Variants in SNX25 observed in about 807,000 individuals in gnomAD.
SNX25 encodes sorting nexin 25.
In SNX25, 62 loss-of-function variants were observed where a neutral mutation model predicts 113.7. That is an observed-to-expected ratio of 0.55 (90% CI 0.44 to 0.67). SNX25 has a LOEUF of 0.67. Among genes scored for constraint, SNX25 ranks in the 30% least tolerant of loss-of-function variants. The probability of loss-of-function intolerance (pLI) is 0.00; values close to 1 mark genes in which losing one functional copy is unlikely to be tolerated. For missense variants in SNX25, 1,014 were observed against 1,161.0 expected, an observed-to-expected ratio of 0.87 and a Z score of 1.84; for synonymous variants, 421 against 436.2, an observed-to-expected ratio of 0.97 and a Z score of 0.43.
chr4:185,335,316 T>TCTCACA (rs1303921565), intron 10 of SNX25, among the ~76,000 whole-genome samples: 261 of 140,890 alleles, frequency 1.9e-3, no homozygotes, highest in East Asian at 0.012. Flanking sequence ...TGAAAAAGTC[T>TCTCACA]CACACACACA....
chr4:185,342,076 G>C lies in SNX25; in HGVS notation c.2147G>C (p.Arg716Thr), dbSNP rs1242718652. The change falls in exon 12 of 19, where the codon AGG (arginine) becomes ACG (threonine). Residue 716 changes from arginine to threonine, a missense_variant. Coordinates refer to ENST00000652585, the MANE Select transcript of SNX25 (RefSeq NM_001378034.2). ...VETKNWTVPR[R>T]LSEFQNLHRK... ...ACTAAGAACTGGACGGTCCCCAGAA[G>C]GCTCAGCGAGTTTCAGAATTTACAC... The C allele has an allele frequency of 6.2e-7, 1 of 1,607,074 alleles. No individual in the cohort carries two copies.
chr4:185,363,653 ACTT>A lies in SNX25; in HGVS notation c.*191_*193del, dbSNP rs748425840. The A allele has an allele frequency of 6.9e-5, 33 of 475,556 alleles. No homozygotes were observed. Among genetic ancestry groups the A allele is most frequent in the Non-Finnish European group, 1.2e-4 (32 of 268,494 alleles). The allele number at this position is 475,556 out of a possible 1,614,324, so 29.5% of individuals were successfully genotyped here. A position where few individuals can be genotyped will look rare whatever the true frequency, so the allele number is the denominator to read the frequency against. ...ATGCTGTGGTAGGCAACAGAAAAAA[ACTT>A]CTATTGATTTTAATTTAATATGAAT... is the stretch of plus-strand genomic sequence containing the variant. On this transcript the variant is annotated 3_prime_UTR_variant, in exon 19 of 19. Transcript: ENST00000652585. The surrounding 1 kb of genome is among the most constrained non-coding windows in gnomAD (Gnocchi z 4.2).
At chr4:185,208,350 G>A (rs960670666), upstream of SNX25, among the ~76,000 whole-genome samples, 1 of 152,118 alleles carries the variant, frequency 6.6e-6, no homozygotes, top group South Asian at 2.1e-4. Context: ...AAGGAAACTG[G>A]TAACTTATTT....
At chr4:185,322,292 G>A (rs916351329) in intron 8 of SNX25, among the ~76,000 whole-genome samples, 3 of 152,084 alleles carry the variant, frequency 2.0e-5, no homozygotes, top group Non-Finnish European at 4.4e-5. Flanking sequence ...TTAGCCAGGC[G>A]TGGTGATGTG....
intron 6 of SNX25, among the ~76,000 whole-genome samples, chr4:185,298,342 G>C (rs1168221557): frequency 6.6e-6 from 1 of 151,994 alleles, no homozygotes; most frequent in East Asian, 1.9e-4. Flanking sequence ...ACCCGCCTCG[G>C]CCTCCCAAAG....
chr4:185,285,732 A>T (rs1221976280), intron 5 of SNX25, among the ~76,000 whole-genome samples: 4 of 152,088 alleles, frequency 2.6e-5, no homozygotes, highest in Admixed American at 1.3e-4. Context: ...TGGAACCCTG[A>T]ACTCCTCCCG....
chr4:185,224,906 T>A (rs1740742023), intron 1 of SNX25, among the ~76,000 whole-genome samples: 1 of 151,748 alleles, frequency 6.6e-6, no homozygotes, highest in African/African-American at 2.4e-5. Context: ...TATCTGGAAT[T>A]AACCATTTCT....
intron 1 of SNX25, among the ~76,000 whole-genome samples, chr4:185,212,463 A>C (rs1469617526): frequency 8.4e-6 from 1 of 119,388 alleles, no homozygotes; most frequent in African/African-American, 3.3e-5. Flanking sequence ...AATTTGTGTG[A>C]TGTGTGTGTG....
chr4:185,274,555 G>A (rs1749392502), intron 5 of SNX25, among the ~76,000 whole-genome samples: 1 of 152,196 alleles, frequency 6.6e-6, no homozygotes, highest in Admixed American at 6.5e-5. Flanking sequence ...CATTTTTGCT[G>A]CCATAGCACA....
rs1037485757 is a variant in SNX25, at chr4:185,237,994, C to T, written c.430-9300C>T. 1.7e-4 allele frequency among the ~76,000 whole-genome samples: 22 copies of T among 129,646 alleles called. No individual in the cohort carries two copies. In the East Asian group the frequency reaches 4.1e-3, roughly 24 times the overall value. The allele number at this position is 129,646 out of a possible 152,430, so 85.1% of individuals were successfully genotyped here. On this transcript the variant is annotated intron_variant, in intron 1 of 18. Transcript: ENST00000652585. ...AGGAGAATCACTTGAACTCAGGAGGCGGAGGTTGCAGTGAGCCGAGATCAC... is the reference window on the plus strand; with the variant it reads ...AGGAGAATCACTTGAACTCAGGAGGTGGAGGTTGCAGTGAGCCGAGATCAC...
rs1350131465 is a variant in SNX25, at chr4:185,220,411, TCC to T, written c.429+10157_429+10158del. ...CTCGTCATTTAGCATTAGGTATATC[TCC>T]TAATGCTTGTTCCTCTTGTTTCTGT... On this transcript the variant is annotated intron_variant, in intron 1 of 18. Coordinates refer to ENST00000652585, the MANE Select transcript of SNX25 (RefSeq NM_001378034.2). Among the ~76,000 whole-genome samples, 26 of 152,034 alleles carry T rather than the reference TCC, an allele frequency of 1.7e-4. No individual in the cohort carries two copies. In the South Asian group the frequency reaches 5.2e-3, roughly 30 times the overall value.
intron 1 of SNX25, among the ~76,000 whole-genome samples, chr4:185,221,535 C>G (rs921791461): frequency 4.6e-5 from 7 of 152,088 alleles, no homozygotes; most frequent in African/African-American, 1.7e-4. Flanking sequence ...ACCGTCATGT[C>G]CCACCTAGAT....
At chr4:185,374,370 C>T (rs1346356190), downstream of SNX25, 32 of 1,614,028 alleles carry the variant, frequency 2.0e-5, no homozygotes, top group Admixed American at 3.3e-5. Flanking sequence ...ATAATAAGCT[C>T]TTCCGAGGTT....
chr4:185,296,920 T>C (rs1209130515), intron 6 of SNX25, among the ~76,000 whole-genome samples: 1 of 152,248 alleles, frequency 6.6e-6, no homozygotes, highest in Non-Finnish European at 1.5e-5. Context: ...TGAGTCTAAC[T>C]GGCTAATTTC....
chr4:185,211,660 G>C (rs533054490), intron 1 of SNX25, among the ~76,000 whole-genome samples: 9 of 152,258 alleles, frequency 5.9e-5, no homozygotes, highest in African/African-American at 1.9e-4. Context: ...TAAATATCCT[G>C]CTCTCTGGAG....
At chr4:185,307,198 C>A (rs1458694389) in intron 6 of SNX25, among the ~76,000 whole-genome samples, 1 of 152,146 alleles carries the variant, frequency 6.6e-6, no homozygotes, top group African/African-American at 2.4e-5. Context: ...CTAATTGGGA[C>A]CTGAGATGGG....
intron 3 of SNX25, among the ~76,000 whole-genome samples, chr4:185,263,697 G>A (rs1231433532): frequency 6.6e-6 from 1 of 152,082 alleles, no homozygotes; most frequent in East Asian, 1.9e-4. Context: ...CTCATTGTTA[G>A]CTACTAGTTA....
chr4:185,337,172 A>G (rs920737668), intron 10 of SNX25, among the ~76,000 whole-genome samples: 3 of 152,146 alleles, frequency 2.0e-5, no homozygotes, highest in Non-Finnish European at 4.4e-5. Flanking sequence ...GTGTTTTGCA[A>G]CTGTCACCAC....
chr4:185,218,063 C>T (rs551344322), intron 1 of SNX25, among the ~76,000 whole-genome samples: 28 of 152,238 alleles, frequency 1.8e-4, no homozygotes, highest in African/African-American at 6.5e-4. Context: ...CTAAGTCACA[C>T]CCTGCTTTAG....
Sources: gnomAD v4.1 joint callset for allele counts (sites outside exome capture counted in the v4.1 genomes callset) on GRCh38, gnomAD v4.1.1 for gene constraint, Gnocchi (gnomAD v3.1) non-coding constraint, MANE v1.5 for transcripts, NCBI Gene and HGNC (gene_info 2026-07-23, HGNC 2026-07-21) for gene names.